The following ZDHHC3 variants were observed in gnomAD, a reference collection of about 807,000 sequenced individuals.
The protein encoded by ZDHHC3 is zDHHC palmitoyltransferase 3.
ZDHHC3 carries 9 observed loss-of-function variants against 30.6 expected under a neutral mutation model. The ratio of observed to expected loss-of-function variants is 0.29; its 90% CI spans 0.18 to 0.51. The LOEUF (loss-of-function observed/expected upper bound fraction) is 0.51. ZDHHC3 is among the 20% of genes least tolerant of loss of function. The pLI is 0.97. For missense variants in ZDHHC3, 246 were observed against 384.2 expected (o/e 0.64, Z 3.01); for synonymous variants, 136 against 140.2 (o/e 0.97, Z 0.21).
chr3:44,944,096 C>T (rs1001084140), intron 3 of ZDHHC3, among the ~76,000 whole-genome samples: 1 of 152,140 alleles, frequency 6.6e-6, no homozygotes, highest in African/African-American at 2.4e-5. Flanking sequence ...CTGCCCTCAG[C>T]CTCCTGAGCA....
Position 44,921,261 on chromosome 3 carries a change from T to C in ZDHHC3, c.*5428A>G. ...AGAGTCTGTGCAGAACAGACTCAGC[T>C]GAGCCCCACAGAACGAGAACAGGCT... On this transcript the variant is annotated 3_prime_UTR_variant, in exon 7 of 7. Transcript: ENST00000424952. The C allele has an allele frequency of 1.0e-6, 1 of 985,406 alleles. No individual in the cohort carries two copies. The allele number at this position is 985,406 out of a possible 1,614,324, so 61.0% of individuals were successfully genotyped here. A position where few individuals can be genotyped will look rare whatever the true frequency, so the allele number is the denominator to read the frequency against.
Position 44,919,574 on chromosome 3 carries a change from G to A in ZDHHC3, c.*7115C>T, listed in dbSNP as rs1700451239. 6.6e-6 allele frequency among the ~76,000 whole-genome samples: 1 copy of A among 152,236 alleles called. No homozygotes were observed. Among genetic ancestry groups the A allele is most frequent in the Non-Finnish European group, 1.5e-5 (1 of 68,044 alleles). On this transcript the variant is annotated 3_prime_UTR_variant, in exon 7 of 7. Coordinates refer to ENST00000424952, the MANE Select transcript of ZDHHC3 (RefSeq NM_001135179.2). ...AGGTCATGAAAGACAAAGGAAGACTGAGGAACTGTCACAAACTGGAGGAGA... is the reference window on the plus strand; with the variant it reads ...AGGTCATGAAAGACAAAGGAAGACTAAGGAACTGTCACAAACTGGAGGAGA...
At chr3:44,968,053 G>C (rs1257952268) in intron 1 of ZDHHC3, among the ~76,000 whole-genome samples, 1 of 152,212 alleles carries the variant, frequency 6.6e-6, no homozygotes, top group Non-Finnish European at 1.5e-5. Flanking sequence ...GTCGCATTGA[G>C]TGAGGTGGTG....
In ZDHHC3 at chr3:44,926,800, T is replaced by C; in HGVS notation, c.789A>G (p.Thr263=). The C allele has an allele frequency of 6.2e-7, 1 of 1,613,592 alleles. No individual in the cohort carries two copies. Among genetic ancestry groups the C allele is most frequent in the Non-Finnish European group, 8.5e-7 (1 of 1,179,878 alleles). The change falls in exon 7 of 7, where the codon ACA becomes ACG. Residue 263 remains threonine, a synonymous_variant. Coordinates refer to ENST00000424952, the MANE Select transcript of ZDHHC3 (RefSeq NM_001135179.2). ...AAACGGCTTTCATGTTCATCCATTT[T>C]GTTTTTTTAGCCCATCTTCTCTCTT... ...KKEERRWAKK[T]KWMNMKAVFG...
In ZDHHC3 at chr3:44,918,028, C is replaced by T. The variant is rs1431549019; in HGVS notation, c.*8661G>A. ...ACTGGGGATCTCTGGCTGACACGGT[C>T]TGGAGAAGGGGTTGAACCAGTTCAG... On this transcript the variant is annotated 3_prime_UTR_variant, in exon 7 of 7. Coordinates refer to ENST00000424952, the MANE Select transcript of ZDHHC3 (RefSeq NM_001135179.2). 1.5e-6 allele frequency: 2 copies of T among 1,305,450 alleles called. No individual in the cohort carries two copies. The highest frequency in any genetic ancestry group is 4.6e-5 in the Admixed American group (2 of 43,568). 80.9% of individuals were successfully genotyped at this position (1,305,450 alleles called of 1,614,324 possible). A position where few individuals can be genotyped will look rare whatever the true frequency, so the allele number is the denominator to read the frequency against.
chr3:44,932,959 C>A, intron 5 of ZDHHC3, 159 bp downstream of exon 5: 2 of 1,614,158 alleles, frequency 1.2e-6, no homozygotes, highest in Non-Finnish European at 1.7e-6. Flanking sequence ...AGATTCCAGT[C>A]TCTGCCATTT....
At chr3:44,975,762 T>TCACACA (rs1369426552) in intron 1 of ZDHHC3, among the ~76,000 whole-genome samples, 171 bp downstream of exon 1, 6 of 145,520 alleles carry the variant, frequency 4.1e-5, no homozygotes, top group African/African-American at 1.1e-4. Flanking sequence ...TCTCTCTCTC[T>TCACACA]CTCTCTCTCT....
intron 5 of ZDHHC3, chr3:44,932,867 C>G: frequency 6.9e-6 from 11 of 1,604,462 alleles, no homozygotes; most frequent in Non-Finnish European, 9.4e-6. Flanking sequence ...CCTGGGCACG[C>G]TCAGTCCAGA....
chr3:44,937,990 C>CTTT, intron 3 of ZDHHC3: 9 of 360,528 alleles, frequency 2.5e-5, no homozygotes, highest in Non-Finnish European at 4.4e-5. Context: ...GGAAATACCA[C>CTTT]TTTTTTTTTT....
chr3:44,950,899 C>T (rs1703393873), intron 2 of ZDHHC3, among the ~76,000 whole-genome samples: 1 of 152,134 alleles, frequency 6.6e-6, no homozygotes, highest in Admixed American at 6.5e-5. Flanking sequence ...ATCCCCCTAC[C>T]CCACGTTCTT....
chr3:44,967,305 G>C (rs1195034499), intron 1 of ZDHHC3, among the ~76,000 whole-genome samples: 1 of 152,150 alleles, frequency 6.6e-6, no homozygotes, highest in African/African-American at 2.4e-5. Flanking sequence ...GCTCATGGAG[G>C]CTAACAGTTC....
chr3:44,948,205 A>G (rs1703120022), intron 2 of ZDHHC3, among the ~76,000 whole-genome samples: 1 of 152,210 alleles, frequency 6.6e-6, no homozygotes, highest in African/African-American at 2.4e-5. Context: ...GGAGTTTCAG[A>G]TAGAGCACCC....
In ZDHHC3 at chr3:44,922,417, G is replaced by A; in HGVS notation, c.*4272C>T. ...TGGGTTCCACTGATGAGATGCACAA[G>A]GAGTGGTGGGCAGGCTAATAATTTG... On this transcript the variant is annotated 3_prime_UTR_variant, in exon 7 of 7. Transcript: ENST00000424952. 1 of 985,442 alleles carries A rather than the reference G, an allele frequency of 1.0e-6. No individual in the cohort carries two copies. Among genetic ancestry groups the A allele is most frequent in the Non-Finnish European group, 1.2e-6 (1 of 829,932 alleles). 61.0% of individuals were successfully genotyped at this position (985,442 alleles called of 1,614,324 possible).
Position 44,918,927 on chromosome 3 carries a change from AC to A in ZDHHC3, c.*7761del. On this transcript the variant is annotated 3_prime_UTR_variant, in exon 7 of 7. Transcript: ENST00000424952. ...ACAACACCCTGCACAGAGGCCTTTG[AC>A]CCTCCACTGGGGGCACTGCTTTCTC... is the stretch of plus-strand genomic sequence containing the variant. 1.0e-6 allele frequency: 1 copy of A among 985,384 alleles called. No individual in the cohort carries two copies. The highest frequency in any genetic ancestry group is 1.7e-5 in the African/African-American group (1 of 57,310). 61.0% of individuals were successfully genotyped at this position (985,384 alleles called of 1,614,324 possible).
At chr3:44,962,495 A>AAGGAAGGAAGGAAG in intron 1 of ZDHHC3, among the ~76,000 whole-genome samples, 1 of 112,296 alleles carries the variant, frequency 8.9e-6, no homozygotes, top group Non-Finnish European at 1.8e-5. Context: ...AAAGGGAGAG[A>AAGGAAGGAAGGAAG]GAAGGAAGGA....
chr3:44,953,252 C>T (rs575781508), intron 2 of ZDHHC3, among the ~76,000 whole-genome samples: 1 of 152,190 alleles, frequency 6.6e-6, no homozygotes, highest in Admixed American at 6.5e-5. Context: ...ACCTATGTCA[C>T]TATCAGAAGA....
chr3:44,943,632 T>C (rs1336804964), intron 3 of ZDHHC3, among the ~76,000 whole-genome samples: 1 of 152,206 alleles, frequency 6.6e-6, no homozygotes, highest in Non-Finnish European at 1.5e-5. Flanking sequence ...CAGTCCTCTA[T>C]AACCCCTCCC....
rs930136110 is a variant in ZDHHC3, at chr3:44,916,113, G to A, written c.*10576C>T. The A allele has an allele frequency of 1.3e-5, 2 of 152,204 alleles. No individual in the cohort carries two copies. The highest frequency in any genetic ancestry group is 2.4e-5 in the African/African-American group (1 of 41,438). The allele number at this position is 152,204 out of a possible 1,614,324, so 9.4% of individuals were successfully genotyped here. ...TAAGGACCAAGAAAGTGGGCCTGCA[G>A]CCTGAGTGTGGGAGGCCCAATGTCT... On this transcript the variant is annotated 3_prime_UTR_variant, in exon 7 of 7. Transcript: ENST00000424952.
intron 3 of ZDHHC3, among the ~76,000 whole-genome samples, chr3:44,934,698 C>T (rs1458207338): frequency 6.6e-6 from 1 of 151,754 alleles, no homozygotes; most frequent in Non-Finnish European, 1.5e-5. Flanking sequence ...TTAAGACCAG[C>T]CTGACGAACA....
Sources: gnomAD v4.1 joint callset for allele counts (sites outside exome capture counted in the v4.1 genomes callset) on GRCh38, gnomAD v4.1.1 for gene constraint, MANE v1.5 for transcripts, NCBI Gene and HGNC (gene_info 2026-07-23, HGNC 2026-07-21) for gene names.